Variants in TENM2 observed in about 807,000 individuals in gnomAD.
The protein encoded by TENM2 is teneurin-2.
In TENM2, 52 loss-of-function variants were observed where a neutral mutation model predicts 245.2. That is an observed-to-expected ratio of 0.21 (90% CI 0.17 to 0.27). The LOEUF (loss-of-function observed/expected upper bound fraction) is 0.27, where lower values mean the gene tolerates loss of function less well. TENM2 is among the 10% of genes least tolerant of loss of function. The pLI is 1.00. For missense variants in TENM2, 3,046 were observed against 3,666.8 expected (o/e 0.83, Z 4.37); for synonymous variants, 1,363 against 1,438.9 (o/e 0.95, Z 1.19).
chr5:167,151,892 C>G, the TENM2 span, among the ~76,000 whole-genome samples: 1 of 152,126 alleles, frequency 6.6e-6, no homozygotes, highest in Non-Finnish European at 1.5e-5. Context: ...GTCAATAAAT[C>G]CCTGTTGACT....
At chr5:167,755,063 C>T in intron 2 of TENM2, 1 of 1,597,488 alleles carries the variant, frequency 6.3e-7, no homozygotes, top group East Asian at 2.2e-5. Flanking sequence ...GATGGTGAGC[C>T]CACCTCTCCT....
chr5:168,260,310 G>A lies in TENM2; in HGVS notation c.7460G>A (p.Gly2487Glu), dbSNP rs1396442430. The A allele has an allele frequency of 2.5e-6, 4 of 1,613,826 alleles. No individual in the cohort carries two copies. The South Asian group carries it at 4.4e-5, about 18-fold the overall frequency. Reference sequence around the variant, plus strand: ...GTGAAAAGCTGGCTTGTGATGTTTGGATTTCAGCTTAGCAACATCATTCCT... The same window carrying A: ...GTGAAAAGCTGGCTTGTGATGTTTGAATTTCAGCTTAGCAACATCATTCCT... The change falls in exon 28 of 29, where the codon GGA (glycine) becomes GAA (glutamate). Residue 2487 changes from glycine (G) to glutamate (E), a missense_variant. Transcript: ENST00000518659.
chr5:168,009,200 G>T (rs1239296724), intron 5 of TENM2, among the ~76,000 whole-genome samples: 1 of 152,194 alleles, frequency 6.6e-6, no homozygotes, highest in Non-Finnish European at 1.5e-5. Flanking sequence ...TACAAATGTG[G>T]CATGTGGTCC....
In TENM2 at chr5:167,575,696, A is replaced by G. The variant is rs143846837; in HGVS notation, c.502+200223A>G. On this transcript the variant is annotated intron_variant, in intron 2 of 28. Coordinates refer to ENST00000518659, the Ensembl canonical transcript of TENM2. ...CCCTGATACAGGTTGGGGAGACTTA[A>G]TTTTTCCTCATGGTTGAAAGAATAG... 1.7e-4 allele frequency among the ~76,000 whole-genome samples: 26 copies of G among 152,254 alleles called. No homozygotes were observed. The East Asian group carries it at 3.9e-3, about 23-fold the overall frequency.
the TENM2 span, among the ~76,000 whole-genome samples, chr5:167,120,381 G>A: frequency 1.1e-4 from 16 of 152,300 alleles, no homozygotes; most frequent in Admixed American, 2.0e-4. Context: ...CAATGAGGAG[G>A]CTGTGGGAGA....
chr5:168,109,326 C>T (rs909079700), intron 9 of TENM2, among the ~76,000 whole-genome samples: 1 of 152,198 alleles, frequency 6.6e-6, no homozygotes, highest in South Asian at 2.1e-4. Context: ...TAAGAAGAAT[C>T]GCCACCGCCT....
chr5:167,926,490 C>T (rs558871572), intron 3 of TENM2, among the ~76,000 whole-genome samples: 87 of 152,190 alleles, frequency 5.7e-4, no homozygotes, highest in African/African-American at 2.0e-3. Context: ...GAGGCCAAGG[C>T]GGACAGATCA....
intron 5 of TENM2, among the ~76,000 whole-genome samples, chr5:167,994,351 C>G (rs900293926): frequency 2.6e-5 from 4 of 152,208 alleles, no homozygotes; most frequent in African/African-American, 4.8e-5. Context: ...TCAACATAAA[C>G]CCTCCCTTCT....
chr5:167,904,243 G>A (rs770776284), intron 3 of TENM2, among the ~76,000 whole-genome samples: 1 of 152,162 alleles, frequency 6.6e-6, no homozygotes, highest in Non-Finnish European at 1.5e-5. Context: ...GAAGTACACT[G>A]TGTGGTTAGG....
At chr5:168,030,422 C>T (rs963965902) in intron 5 of TENM2, among the ~76,000 whole-genome samples, 2 of 152,052 alleles carry the variant, frequency 1.3e-5, no homozygotes, top group Admixed American at 1.3e-4. Context: ...GGTTCTCAAA[C>T]TTGAGCATTC....
chr5:167,476,241 G>A (rs568635532), intron 2 of TENM2, among the ~76,000 whole-genome samples: 31 of 152,152 alleles, frequency 2.0e-4, no homozygotes, highest in Non-Finnish European at 4.4e-4. Context: ...ACTATTTACA[G>A]TGTAGAATCT....
the TENM2 span, among the ~76,000 whole-genome samples, chr5:167,062,812 A>G: frequency 0.15 from 23,263 of 152,168 alleles, 2,575 homozygotes; most frequent in East Asian, 0.38. Flanking sequence ...CAGCTGATCA[A>G]TGAGAACTTC....
chr5:167,901,269 A>T (rs1775683804), intron 3 of TENM2, among the ~76,000 whole-genome samples: 1 of 152,174 alleles, frequency 6.6e-6, no homozygotes, highest in African/African-American at 2.4e-5. Flanking sequence ...GGTTCCTAGC[A>T]CATGGTAGAT....
At chr5:168,118,322 G>A in exon 10 of TENM2, 2 of 1,606,096 alleles carry the variant, frequency 1.2e-6, no homozygotes, top group Non-Finnish European at 1.7e-6. Flanking sequence ...AGTGGGAATG[G>A]ACAATATTCT....
chr5:167,078,205 C>T, the TENM2 span, among the ~76,000 whole-genome samples: 7 of 152,140 alleles, frequency 4.6e-5, no homozygotes, highest in South Asian at 8.3e-4. Flanking sequence ...AATGTTGGGC[C>T]GGGTGCAGTG....
At chr5:167,710,510 A>G (rs377106894) in intron 2 of TENM2, among the ~76,000 whole-genome samples, 2 of 152,220 alleles carry the variant, frequency 1.3e-5, no homozygotes, top group Non-Finnish European at 2.9e-5. Context: ...GGAAGGAGCC[A>G]GATGAACGAC....
rs1451846846 is a variant in TENM2, at chr5:168,148,863, TAA to T, written c.2423-13746_2423-13745del. 6.1e-5 allele frequency among the ~76,000 whole-genome samples: 9 copies of T among 148,490 alleles called. No homozygotes were observed. The Admixed American group carries it at 6.1e-4, about 10-fold the overall frequency. ...TGTTTGACAGATTAATAAATAAATA[TAA>T]ATATATATGATAGATAGATAGATAG... On this transcript the variant is annotated intron_variant, in intron 12 of 28. Coordinates refer to ENST00000518659, the Ensembl canonical transcript of TENM2.
At chr5:167,251,383 G>A in the TENM2 span, among the ~76,000 whole-genome samples, 5 of 152,082 alleles carry the variant, frequency 3.3e-5, no homozygotes, top group Non-Finnish European at 7.4e-5. Flanking sequence ...CAGTAATGAT[G>A]CAGGGTTCAA....
At chr5:168,223,119 T>C (rs1581677706) in intron 23 of TENM2, among the ~76,000 whole-genome samples, 1 of 152,242 alleles carries the variant, frequency 6.6e-6, no homozygotes, top group African/African-American at 2.4e-5. Flanking sequence ...GGCAGCCGAA[T>C]CTTCTTAAAA....
Sources: gnomAD v4.1 joint callset for allele counts (sites outside exome capture counted in the v4.1 genomes callset) on GRCh38, gnomAD v4.1.1 for gene constraint, MANE v1.5 for transcripts, NCBI Gene and HGNC (gene_info 2026-07-23, HGNC 2026-07-21) for gene names.